The following TENM3 variants were observed in gnomAD, a reference collection of about 807,000 sequenced individuals.
TENM3 encodes teneurin transmembrane protein 3.
A neutral mutation model predicts 255.1 loss-of-function variants in TENM3; 63 were observed. The ratio of observed to expected loss-of-function variants is 0.25; its 90% CI spans 0.20 to 0.30. TENM3 has a LOEUF of 0.30. Ranked by LOEUF, TENM3 falls within the 10% of genes least tolerant of loss-of-function variation. The pLI, the probability that TENM3 is intolerant of heterozygous loss-of-function variation, is 1.00. For missense variants in TENM3, 2,929 were observed against 3,461.1 expected, an observed-to-expected ratio of 0.85 and a Z score of 3.86; for synonymous variants, 1,306 against 1,322.3, an observed-to-expected ratio of 0.99 and a Z score of 0.27.
chr4:181,827,770 A>C, the TENM3 span, among the ~76,000 whole-genome samples: 1 of 152,294 alleles, frequency 6.6e-6, no homozygotes, highest in Non-Finnish European at 1.5e-5. Flanking sequence ...GGAGAGCAGG[A>C]CGATGCCTAC....
At chr4:181,847,626 A>G in the TENM3 span, among the ~76,000 whole-genome samples, 2 of 151,976 alleles carry the variant, frequency 1.3e-5, no homozygotes, top group South Asian at 4.1e-4. Context: ...TAAAATACAT[A>G]TATTTATATG....
chr4:182,528,472 G>A (rs915426206), intron 3 of TENM3, among the ~76,000 whole-genome samples: 1 of 152,088 alleles, frequency 6.6e-6, no homozygotes, highest in Non-Finnish European at 1.5e-5. Context: ...GAATTCTGAA[G>A]AAAAAATAGG....
At chr4:182,657,320 A>G (rs568053988) in intron 6 of TENM3, among the ~76,000 whole-genome samples, 67 of 152,280 alleles carry the variant, frequency 4.4e-4, no homozygotes, top group African/African-American at 1.6e-3. Flanking sequence ...TCTTCCTGCT[A>G]TACTCAAACC....
the TENM3 span, among the ~76,000 whole-genome samples, chr4:181,477,730 C>A: frequency 2.6e-5 from 4 of 152,134 alleles, no homozygotes; most frequent in Non-Finnish European, 5.9e-5. Context: ...AATTGGGATC[C>A]AACTAATTGG....
the TENM3 span, among the ~76,000 whole-genome samples, chr4:181,646,996 G>A: frequency 6.6e-6 from 1 of 152,146 alleles, no homozygotes; most frequent in Non-Finnish European, 1.5e-5. Flanking sequence ...ACGCATTTTC[G>A]TCAGGAAAGA....
the TENM3 span, among the ~76,000 whole-genome samples, chr4:181,538,972 A>G: frequency 1.3e-5 from 2 of 152,224 alleles, no homozygotes; most frequent in African/African-American, 4.8e-5. Context: ...GTAAGTAGTA[A>G]CTAAAATGCT....
At chr4:181,844,592 C>A in the TENM3 span, among the ~76,000 whole-genome samples, 1 of 151,476 alleles carries the variant, frequency 6.6e-6, no homozygotes, top group Non-Finnish European at 1.5e-5. Context: ...GGCGTGAACC[C>A]GGGAGGCGGA....
chr4:182,367,295 C>T (rs1480266807), intron 3 of TENM3, among the ~76,000 whole-genome samples: 3 of 152,078 alleles, frequency 2.0e-5, no homozygotes, highest in African/African-American at 7.2e-5. Context: ...GAGAGATCCT[C>T]TTGGGAAACC....
At chr4:182,621,708 A>C (rs958630744) in intron 4 of TENM3, among the ~76,000 whole-genome samples, 1 of 2,586 alleles carries the variant, frequency 3.9e-4, no homozygotes, top group Non-Finnish European at 2.0e-3. Flanking sequence ...TATATAAAAT[A>C]TATAATATAT....
chr4:182,048,613 G>A, the TENM3 span, among the ~76,000 whole-genome samples: 1 of 152,232 alleles, frequency 6.6e-6, no homozygotes, highest in African/African-American at 2.4e-5. Context: ...TCAGGGTAAA[G>A]GATATGTTTT....
chr4:182,711,476 G>A (rs1758744549), intron 12 of TENM3: 1 of 285,662 alleles, frequency 3.5e-6, no homozygotes, highest in South Asian at 1.4e-4. Context: ...TATGTCAGCT[G>A]AAGCTACTCA....
the TENM3 span, among the ~76,000 whole-genome samples, chr4:181,465,137 T>G: frequency 4.0e-4 from 61 of 152,244 alleles, no homozygotes; most frequent in Admixed American, 1.6e-3. Flanking sequence ...TTTCTTATGA[T>G]GTGAAGGAGT....
chr4:181,967,803 G>A, the TENM3 span, among the ~76,000 whole-genome samples: 15 of 152,222 alleles, frequency 9.9e-5, no homozygotes, highest in Admixed American at 3.3e-4. Flanking sequence ...CAGAGCCACC[G>A]ACGTGGCTGG....
intron 3 of TENM3, among the ~76,000 whole-genome samples, chr4:182,376,969 T>C (rs1273859419): frequency 6.6e-6 from 1 of 152,186 alleles, no homozygotes; most frequent in Non-Finnish European, 1.5e-5. Flanking sequence ...AATCAAGCTT[T>C]TCACAAATTC....
chr4:181,528,087 G>A, the TENM3 span, among the ~76,000 whole-genome samples: 2 of 150,426 alleles, frequency 1.3e-5, no homozygotes, highest in Non-Finnish European at 1.5e-5. Context: ...TTACCTTTAG[G>A]AAAAAAAACA....
intron 3 of TENM3, among the ~76,000 whole-genome samples, chr4:182,566,270 C>G (rs1337383070): frequency 6.6e-6 from 1 of 152,136 alleles, no homozygotes; most frequent in Admixed American, 6.5e-5. Context: ...AACTTATTTC[C>G]TCTTGTTTGT....
chr4:182,583,821 GAT>G (rs1331510604), intron 3 of TENM3, among the ~76,000 whole-genome samples: 1 of 152,120 alleles, frequency 6.6e-6, no homozygotes, highest in African/African-American at 2.4e-5. Context: ...GTTTTCTACA[GAT>G]ATATTTTCCT....
At chr4:182,355,639 T>C (rs1382462963) in intron 3 of TENM3, among the ~76,000 whole-genome samples, 1 of 151,958 alleles carries the variant, frequency 6.6e-6, no homozygotes, top group Non-Finnish European at 1.5e-5. Context: ...ATTATCAACA[T>C]AGGAAAATAG....
In TENM3 at chr4:182,796,391, G is replaced by T. The variant is rs537942570; in HGVS notation, c.7214-246G>T. ...AGGCTGCAACTTAGCAGGACTGATG[G>T]CTTACCCAGTCTGTCTGAGCATCTA... is the stretch of plus-strand genomic sequence containing the variant. On this transcript the variant is annotated intron_variant, in intron 26 of 27. Transcript: ENST00000511685. Among the ~76,000 whole-genome samples, 43 of 152,296 alleles carry T rather than the reference G, an allele frequency of 2.8e-4. No homozygotes were observed. The South Asian group carries it at 8.9e-3, about 32-fold the overall frequency.
Sources: allele counts gnomAD v4.1 joint callset (sites outside exome capture counted in the v4.1 genomes callset), GRCh38; gene constraint gnomAD v4.1.1; transcripts MANE v1.5; gene names NCBI Gene and HGNC (gene_info 2026-07-23, HGNC 2026-07-21).